The following ZFHX3 variants were observed in gnomAD, a reference collection of about 807,000 sequenced individuals.
ZFHX3 encodes the protein zinc finger homeobox protein 3.
ZFHX3 carries 42 observed loss-of-function variants against 279.1 expected under a neutral mutation model. That is an observed-to-expected ratio of 0.15 (90% confidence interval 0.12 to 0.19). The LOEUF (loss-of-function observed/expected upper bound fraction) is 0.19. Among genes scored for constraint, ZFHX3 ranks in the 10% least tolerant of loss-of-function variants. The probability of loss-of-function intolerance (pLI) is 1.00; values close to 1 mark genes in which losing one functional copy is unlikely to be tolerated. For missense variants in ZFHX3, 4,981 were observed against 4,754.0 expected, an observed-to-expected ratio of 1.05 and a Z score of -1.40; for synonymous variants, 2,293 against 1,957.8, an observed-to-expected ratio of 1.17 and a Z score of -4.52.
At chr16:73,630,919 A>G (rs1597036718) in intron 2 of ZFHX3, among the ~76,000 whole-genome samples, 1 of 152,236 alleles carries the variant, frequency 6.6e-6, no homozygotes, top group East Asian at 1.9e-4. Context: ...ATGAATGTCT[A>G]CTTTTGTTTT....
intron 2 of ZFHX3, among the ~76,000 whole-genome samples, chr16:73,468,306 G>A (rs957284176): frequency 6.6e-6 from 1 of 152,148 alleles, no homozygotes; most frequent in Non-Finnish European, 1.5e-5. Context: ...AAGAAAGAAG[G>A]GGGCAACAGC....
At chr16:73,714,069 C>T (rs560595791) in intron 1 of ZFHX3, among the ~76,000 whole-genome samples, 6 of 152,220 alleles carry the variant, frequency 3.9e-5, no homozygotes, top group Non-Finnish European at 7.3e-5. Flanking sequence ...CTGCCAGACT[C>T]GTACTTACTG....
intron 1 of ZFHX3, among the ~76,000 whole-genome samples, chr16:73,742,886 A>C (rs949442158): frequency 3.3e-5 from 5 of 152,238 alleles, no homozygotes; most frequent in Non-Finnish European, 5.9e-5. Flanking sequence ...ACTTTCAATA[A>C]GGAAACTGGC....
intron 4 of ZFHX3, among the ~76,000 whole-genome samples, chr16:72,881,799 C>T (rs1374900156): frequency 2.0e-5 from 3 of 152,060 alleles, no homozygotes; most frequent in African/African-American, 4.8e-5. Flanking sequence ...AATCCAGGGA[C>T]AGCACCCCCA....
chr16:73,442,293 T>C (rs1019641289), intron 3 of ZFHX3, among the ~76,000 whole-genome samples: 4 of 152,108 alleles, frequency 2.6e-5, no homozygotes, highest in African/African-American at 7.2e-5. Flanking sequence ...CCTTCTTATA[T>C]AGATGAACCT....
At chr16:72,996,511 C>T (rs536564787) in intron 1 of ZFHX3, among the ~76,000 whole-genome samples, 4 of 152,306 alleles carry the variant, frequency 2.6e-5, no homozygotes, top group African/African-American at 9.6e-5. Flanking sequence ...TGCAGTTATC[C>T]AGACATCCTT....
chr16:73,290,740 A>G (rs1567441507), intron 4 of ZFHX3, among the ~76,000 whole-genome samples: 1 of 143,808 alleles, frequency 7.0e-6, no homozygotes, highest in Admixed American at 6.8e-5. Flanking sequence ...ATAGAGGAGG[A>G]AAGAGCCACT....
intron 4 of ZFHX3, among the ~76,000 whole-genome samples, chr16:73,258,590 C>G (rs187205156): frequency 6.6e-6 from 1 of 152,044 alleles, no homozygotes; most frequent in East Asian, 1.9e-4. Flanking sequence ...CCTCGTGATC[C>G]GCCCACCTCA....
intron 3 of ZFHX3, among the ~76,000 whole-genome samples, chr16:73,394,650 A>G (rs2017090591): frequency 6.6e-6 from 1 of 152,286 alleles, no homozygotes; most frequent in Non-Finnish European, 1.5e-5. Context: ...AAGGACAAAG[A>G]TATGCTTGTA....
intron 8 of ZFHX3, among the ~76,000 whole-genome samples, chr16:73,090,685 G>C (rs1478767198): frequency 1.3e-5 from 2 of 150,496 alleles, no homozygotes; most frequent in African/African-American, 2.5e-5. Context: ...CCAGGAGTTC[G>C]AGACCAGCCT....
At chr16:73,830,717 A>G (rs1252808734) in intron 1 of ZFHX3, among the ~76,000 whole-genome samples, 3 of 152,200 alleles carry the variant, frequency 2.0e-5, no homozygotes, top group Non-Finnish European at 4.4e-5. Context: ...CTAAATTCAA[A>G]CCAGCAGTAT....
At chr16:72,960,249 G>A in intron 1 of ZFHX3, 55 bp from the exon 2 acceptor site, 2 of 1,417,322 alleles carry the variant, frequency 1.4e-6, no homozygotes, top group Non-Finnish European at 1.9e-6. Flanking sequence ...GAGAGAGAAA[G>A]GAAAGAGGTT....
intron 4 of ZFHX3, among the ~76,000 whole-genome samples, chr16:72,871,689 G>A (rs1269339343): frequency 6.6e-6 from 1 of 151,274 alleles, no homozygotes; most frequent in Non-Finnish European, 1.5e-5. Context: ...GTTGGCCAGG[G>A]TGGTTTTGAA....
chr16:72,795,370 C>T lies in ZFHX3; in HGVS notation c.7312G>A (p.Ala2438Thr), dbSNP rs200921039. ...EKPKLAEAPSAQPNQTQEKQG... is the reference protein window; with the variant it reads ...EKPKLAEAPSTQPNQTQEKQG... ...TTTTCTTGGGTTTGGTTTGGCTGTG[C>T]ACTGGGAGCTTCCGCCAGCTTTGGT... The change falls in exon 9 of 10, where the codon GCA becomes ACA. Residue 2438 changes from alanine (A) to threonine (T), a missense_variant. This residue lies in a region of ZFHX3 where 744 missense variants were observed against 701.3 expected (regional missense o/e 1.06). Transcript: ENST00000268489. The T allele has an allele frequency of 8.1e-6, 13 of 1,613,996 alleles. No individual in the cohort carries two copies. Among genetic ancestry groups the T allele is most frequent in the African/African-American group, 4.0e-5 (3 of 74,884 alleles).
At chr16:73,171,507 TG>T (rs1174851815) in intron 5 of ZFHX3, among the ~76,000 whole-genome samples, 1 of 6,382 alleles carries the variant, frequency 1.6e-4, no homozygotes, top group African/African-American at 6.6e-4. Flanking sequence ...GGGGGCGGGG[TG>T]GGGGGCGGGC....
intron 1 of ZFHX3, among the ~76,000 whole-genome samples, chr16:73,056,998 G>A (rs981064236): frequency 2.0e-5 from 3 of 152,110 alleles, no homozygotes; most frequent in Admixed American, 2.0e-4. Flanking sequence ...ACAGCCAAGC[G>A]ATCACCGTCT....
At chr16:73,181,348 C>T (rs1967792079) in intron 5 of ZFHX3, among the ~76,000 whole-genome samples, 1 of 152,108 alleles carries the variant, frequency 6.6e-6, no homozygotes, top group Admixed American at 6.5e-5. Context: ...CCTCAGCCTC[C>T]AAAAGTACTG....
At position 72,787,108 on chromosome 16, in the gene ZFHX3, T is replaced by G; in HGVS notation, c.*56A>C. On this transcript the variant is annotated 3_prime_UTR_variant, in exon 10 of 10. Coordinates refer to ENST00000268489, the MANE Select transcript of ZFHX3 (RefSeq NM_006885.4). ...GCAGTTAGTCTATTTTTGAAATTGG[T>G]TTGTTATTAATTTTTGTATTTAAAT... The G allele has an allele frequency of 1.5e-6, 2 of 1,321,768 alleles. No homozygotes were observed. Among genetic ancestry groups the G allele is most frequent in the East Asian group, 2.8e-5 (1 of 35,648 alleles). The allele number at this position is 1,321,768 out of a possible 1,614,324, so 81.9% of individuals were successfully genotyped here.
At chr16:73,506,825 C>T (rs976249801) in intron 2 of ZFHX3, among the ~76,000 whole-genome samples, 6 of 152,052 alleles carry the variant, frequency 3.9e-5, no homozygotes, top group Non-Finnish European at 4.4e-5. Context: ...CCCATAGTAA[C>T]GGCAAGATTA....
Sources: gnomAD v4.1 joint callset for allele counts (sites outside exome capture counted in the v4.1 genomes callset) on GRCh38, gnomAD v4.1.1 for gene constraint, gnomAD v4.1.1 regional missense constraint, MANE v1.5 for transcripts, NCBI Gene and HGNC (gene_info 2026-07-23, HGNC 2026-07-21) for gene names.